Variants in EFCAB8 observed in about 807,000 individuals in gnomAD.
The protein encoded by EFCAB8 is EF-hand calcium-binding domain-containing protein 8.
Under a neutral mutation model 116.3 loss-of-function variants are expected in EFCAB8, and 100 were observed. The observed-to-expected ratio is 0.86, with a 90% CI of 0.73 to 1.02. EFCAB8 has a LOEUF of 1.02. Among genes scored for constraint, EFCAB8 ranks in the 50% least tolerant of loss-of-function variants. The pLI is 0.00. For missense variants in EFCAB8, 1,320 were observed against 1,416.9 expected (o/e 0.93, Z 1.10); for synonymous variants, 558 against 567.9 (o/e 0.98, Z 0.25).
chr20:32,923,112 A>T, intron 20 of EFCAB8, among the ~76,000 whole-genome samples: 1 of 152,182 alleles, frequency 6.6e-6, no homozygotes, highest in East Asian at 1.9e-4. Context: ...TGAGTCTGGG[A>T]GGTCAAGGAT....
At chr20:32,861,581 G>A (rs569533917) in intron 1 of EFCAB8, among the ~76,000 whole-genome samples, 9 of 152,260 alleles carry the variant, frequency 5.9e-5, no homozygotes, top group African/African-American at 1.2e-4. Context: ...GAGCCACCGC[G>A]CCTAGCCGTT....
At chr20:32,893,346 A>G (rs1986009515) in intron 9 of EFCAB8, 48 bp downstream of exon 9, 1 of 1,548,008 alleles carries the variant, frequency 6.5e-7, no homozygotes, top group African/African-American at 1.4e-5. Flanking sequence ...CATGGCCTAG[A>G]TGTGGGTGCT....
chr20:32,922,300 T>G lies in EFCAB8; in HGVS notation c.2412+2085T>G, dbSNP rs564747984. On this transcript the variant is annotated intron_variant, in intron 20 of 26. Coordinates refer to ENST00000400522, the MANE Select transcript of EFCAB8 (RefSeq NM_001143967.2). Reference sequence around the variant, plus strand: ...ATTTCTGGGCACTAGTGTGAGTATATTGAGAGGACGGATTCTTGGAAACAG... The same window carrying G: ...ATTTCTGGGCACTAGTGTGAGTATAGTGAGAGGACGGATTCTTGGAAACAG... Among the ~76,000 whole-genome samples the G allele has an allele frequency of 2.6e-5, 4 of 152,302 alleles. No homozygotes were observed. In the South Asian group the frequency reaches 8.3e-4, roughly 32 times the overall value.
intron 5 of EFCAB8, among the ~76,000 whole-genome samples, chr20:32,883,903 C>T (rs544981946): frequency 1.4e-4 from 22 of 152,200 alleles, no homozygotes; most frequent in Middle Eastern, 6.8e-3. Context: ...GTTGGCCGGG[C>T]TGGTCTTGAA....
At chr20:32,875,525 C>T (rs1984925190) in intron 3 of EFCAB8, among the ~76,000 whole-genome samples, 1 of 56,262 alleles carries the variant, frequency 1.8e-5, no homozygotes, top group Admixed American at 1.7e-4. Context: ...TTTTTTGAGA[C>T]AGAGTTTTCT....
At chr20:32,961,018 C>A in intron 26 of EFCAB8, 118 bp from the exon 27 acceptor site, 2 of 855,018 alleles carry the variant, frequency 2.3e-6, no homozygotes, top group Non-Finnish European at 3.7e-6. Context: ...TCTGGACACA[C>A]GCCTTCTTGG....
intron 12 of EFCAB8, 65 bp from the exon 13 acceptor site, chr20:32,906,778 C>G: frequency 1.2e-6 from 1 of 834,600 alleles, no homozygotes; most frequent in Non-Finnish European, 2.0e-6. Flanking sequence ...TGGGCACCAC[C>G]TTCACCAGTG....
In EFCAB8 at chr20:32,943,765, C is replaced by T. The variant is rs1437392305; in HGVS notation, c.2920C>T (p.Arg974Trp). 2.9e-5 allele frequency: 12 copies of T among 416,762 alleles called. No homozygotes were observed. The highest frequency in any genetic ancestry group is 4.0e-5 in the Non-Finnish European group (9 of 226,414). 25.8% of individuals were successfully genotyped at this position (416,762 alleles called of 1,614,324 possible). Residue 974 changes from arginine to tryptophan, a missense_variant, in exon 23 of 27, where the codon CGG (arginine) becomes TGG (tryptophan). Coordinates refer to ENST00000400522, the MANE Select transcript of EFCAB8 (RefSeq NM_001143967.2). ...GCTGGTTATCAGCGCTGGCCAGGACCGGGACGTCAAGGCTTGGAAACTCTC... is the reference window on the plus strand; with the variant it reads ...GCTGGTTATCAGCGCTGGCCAGGACTGGGACGTCAAGGCTTGGAAACTCTC... ...FQLVISAGQD[R>W]DVKAWKLSGD...
In EFCAB8 at chr20:32,914,438, C is replaced by T. The variant is rs1987088508; in HGVS notation, c.1856+1574C>T. ...GTTGGCTGATCCATACTAATCTCAT[C>T]AAACAGTGCTTGGCTATGTCTTTAA... On this transcript the variant is annotated intron_variant, in intron 17 of 26. Coordinates refer to ENST00000400522, the MANE Select transcript of EFCAB8 (RefSeq NM_001143967.2). Among the ~76,000 whole-genome samples, 5 of 152,332 alleles carry T rather than the reference C, an allele frequency of 3.3e-5. No homozygotes were observed. The South Asian group carries it at 1.0e-3, about 32-fold the overall frequency.
chr20:32,930,596 GATTGTAAAGGATAC>G lies in EFCAB8; in HGVS notation c.2614_2627del (p.Cys872GlnfsTer13). ...AAATGACTGGATCCTCATCACGGGG[GATTGTAAAGGATAC>G]ATCAAGGTGAGGAAGAACTGGCAGG... is the stretch of plus-strand genomic sequence containing the variant. On this transcript the variant is annotated frameshift_variant, in exon 21 of 27. Coordinates refer to ENST00000400522, the MANE Select transcript of EFCAB8 (RefSeq NM_001143967.2). LOFTEE classifies it high-confidence loss of function. 6.4e-7 allele frequency: 1 copy of G among 1,552,302 alleles called. No homozygotes were observed. The highest frequency in any genetic ancestry group is 8.7e-7 in the Non-Finnish European group (1 of 1,147,124).
intron 15 of EFCAB8, among the ~76,000 whole-genome samples, chr20:32,910,714 G>A (rs370770406): frequency 4.5e-4 from 68 of 149,558 alleles, no homozygotes; most frequent in African/African-American, 1.6e-3. Flanking sequence ...AGGGAGGGTT[G>A]GTCTGAAACC....
At chr20:32,903,723 C>A (rs1425567186) in intron 11 of EFCAB8, 3 of 152,402 alleles carry the variant, frequency 2.0e-5, no homozygotes, top group African/African-American at 7.2e-5. Flanking sequence ...TGTCTCTGGA[C>A]AGATGATTTA....
At chr20:32,868,990 A>T (rs1984559749) in intron 3 of EFCAB8, among the ~76,000 whole-genome samples, 1 of 152,050 alleles carries the variant, frequency 6.6e-6, no homozygotes, top group Admixed American at 6.6e-5. Context: ...ATCTCAAAAA[A>T]AAAAAAGTCG....
At chr20:32,860,313 C>CA (rs150743879) in intron 1 of EFCAB8, among the ~76,000 whole-genome samples, 20,150 of 148,514 alleles carry the variant, frequency 0.14, 1,768 homozygotes, top group East Asian at 0.35. Context: ...AAAATAAAAG[C>CA]AAAAAAAAAC....
chr20:32,930,676 CTT>C, intron 21 of EFCAB8, 60 bp downstream of exon 21: 4 of 1,478,636 alleles, frequency 2.7e-6, no homozygotes, highest in Non-Finnish European at 3.7e-6. Context: ...TCGGCCATCT[CTT>C]TGCTCACATG....
chr20:32,959,004 C>G (rs908901197), intron 24 of EFCAB8, among the ~76,000 whole-genome samples: 1 of 152,164 alleles, frequency 6.6e-6, no homozygotes, highest in Non-Finnish European at 1.5e-5. Context: ...ACTTGGTCCT[C>G]CCCCTGCAGG....
At position 32,885,750 on chromosome 20, in the gene EFCAB8, G is replaced by T. The variant is rs17123797; in HGVS notation, c.567+110G>T. 5,514 of 1,365,418 alleles carry T rather than the reference G, an allele frequency of 4.0e-3. 166 individuals are homozygous for T. In the African/African-American group the frequency reaches 0.07, roughly 17 times the overall value. The allele number at this position is 1,365,418 out of a possible 1,614,324, so 84.6% of individuals were successfully genotyped here. A position where few individuals can be genotyped will look rare whatever the true frequency, so the allele number is the denominator to read the frequency against. ...GCCAGGCAGATTCATGGTCTAAGCA[G>T]CCTGGACTTGCAGTCACAGCACCTG... On this transcript the variant is annotated intron_variant, in intron 6 of 26. Coordinates refer to ENST00000400522, the MANE Select transcript of EFCAB8 (RefSeq NM_001143967.2).
chr20:32,895,155 G>A (rs529043373), intron 9 of EFCAB8, among the ~76,000 whole-genome samples: 1 of 152,286 alleles, frequency 6.6e-6, no homozygotes, highest in South Asian at 2.1e-4. Context: ...TGACGGTGCT[G>A]GCTCTACTCG....
Position 32,918,415 on chromosome 20 carries a change from T to C in EFCAB8, c.2115T>C (p.Tyr705=), listed in dbSNP as rs553024524. Residue 705 remains tyrosine, a synonymous_variant, in exon 19 of 27, where the codon TAT becomes TAC. Transcript: ENST00000400522. The stretch of plus-strand genomic sequence containing the variant: ...AGAGCCACAGGCCCAGCAGACCCTA[T>C]GTGGAGCGGGAGAAGTGGACATACA... ...LAESHRPSRP[Y]VEREKWTYKT... is the part of the protein sequence containing the mutation. 26 of 1,551,694 alleles carry C rather than the reference T, an allele frequency of 1.7e-5. No individual in the cohort carries two copies. In the African/African-American group the frequency reaches 3.1e-4, roughly 19 times the overall value.
Sources: gnomAD v4.1 joint callset for allele counts (sites outside exome capture counted in the v4.1 genomes callset) on GRCh38, gnomAD v4.1.1 for gene constraint, MANE v1.5 for transcripts, NCBI Gene and HGNC (gene_info 2026-07-23, HGNC 2026-07-21) for gene names.